The following TRAPPC10 variants were observed in gnomAD, a reference collection of about 807,000 sequenced individuals.
TRAPPC10 encodes trafficking protein particle complex subunit 10, also known as TRAPP 130 kDa subunit.
Under a neutral mutation model 125.5 loss-of-function variants are expected in TRAPPC10, and 23 were observed. That is an observed-to-expected ratio of 0.18 (90% CI 0.13 to 0.26). TRAPPC10 has a LOEUF of 0.26. Ranked by LOEUF, TRAPPC10 falls within the 10% of genes least tolerant of loss-of-function variation. TRAPPC10 has a pLI of 1.00. For missense variants in TRAPPC10, 1,123 were observed against 1,308.4 expected (o/e 0.86, Z 2.19); for synonymous variants, 509 against 518.0 (o/e 0.98, Z 0.24).
intron 19 of TRAPPC10, 64 bp downstream of exon 19, chr21:44,092,113 G>A: frequency 1.9e-6 from 3 of 1,592,004 alleles, no homozygotes; most frequent in Non-Finnish European, 2.6e-6. Flanking sequence ...CGGAAATGAT[G>A]TAGTATGTGT....
In TRAPPC10 at chr21:44,062,160, A is replaced by G. The variant is rs76965636; in HGVS notation, c.791-1378A>G. ...TTATTTGGTTTTTTCTCTCAGTTTT[A>G]AAATTTGGGGCAATTTAAAATCCAA... On this transcript the variant is annotated intron_variant, in intron 6 of 22. Transcript: ENST00000291574. Among the ~76,000 whole-genome samples, 682 of 152,320 alleles carry G rather than the reference A, an allele frequency of 4.5e-3. 8 individuals carry two copies. Among genetic ancestry groups the G allele is most frequent in the African/African-American group, 0.016 (653 of 41,576 alleles).
chr21:44,036,228 T>C (rs570268876), intron 2 of TRAPPC10, among the ~76,000 whole-genome samples: 1 of 152,224 alleles, frequency 6.6e-6, no homozygotes, highest in Non-Finnish European at 1.5e-5. Context: ...AAGAACCAAG[T>C]AGACAGTTTC....
At chr21:44,089,582 T>G in intron 17 of TRAPPC10, 1 of 537,014 alleles carries the variant, frequency 1.9e-6, no homozygotes, top group Non-Finnish European at 3.6e-6. Flanking sequence ...GCCGTTGAGG[T>G]GACTCTGGTG....
intron 1 of TRAPPC10, among the ~76,000 whole-genome samples, chr21:44,022,879 G>A (rs1431568099): frequency 2.2e-4 from 33 of 151,730 alleles, no homozygotes; most frequent in Admixed American, 2.1e-3. Context: ...ATTTTTTGTC[G>A]GCAGGACTTT....
chr21:44,024,137 C>G (rs1473805936), intron 1 of TRAPPC10, among the ~76,000 whole-genome samples: 2 of 152,186 alleles, frequency 1.3e-5, no homozygotes. Context: ...ATCATAAGTT[C>G]ACTCTTTTTG....
intron 4 of TRAPPC10, among the ~76,000 whole-genome samples, chr21:44,052,957 G>T (rs1030077756): frequency 6.6e-6 from 1 of 152,036 alleles, no homozygotes; most frequent in African/African-American, 2.4e-5. Flanking sequence ...GGCTTTCTCC[G>T]CCTTGCCCTG....
rs139419604 is a variant in TRAPPC10 at position 44,051,994 on chromosome 21, C to A, written c.286-286C>A. 3.2e-3 allele frequency among the ~76,000 whole-genome samples: 489 copies of A among 152,330 alleles called. 2 individuals are homozygous for A. Among genetic ancestry groups the A allele is most frequent in the African/African-American group, 0.011 (456 of 41,580 alleles). On this transcript the variant is annotated intron_variant, in intron 3 of 22. Coordinates refer to ENST00000291574, the MANE Select transcript of TRAPPC10 (RefSeq NM_003274.5). Reference sequence around the variant, plus strand: ...ACAGACAGTATTGCTGTGGGCAGCTCACTCAACCCTCTGACTCTCAGTCTC... The same window carrying A: ...ACAGACAGTATTGCTGTGGGCAGCTAACTCAACCCTCTGACTCTCAGTCTC...
Position 44,084,221 on chromosome 21 carries a change from G to A in TRAPPC10, c.2338G>A (p.Val780Met), listed in dbSNP as rs2037966271. The change falls in exon 15 of 23, where the codon GTG (valine) becomes ATG (methionine). Residue 780 changes from valine (V) to methionine (M), a missense_variant. Val to Met is a conservative substitution (Grantham distance 21). This residue lies in a region of TRAPPC10 where 840 missense variants were observed against 902.0 expected (regional missense o/e 0.93). Transcript: ENST00000291574. ...CATCTACCCCATTGTGCAGTACGAC[G>A]TGTACTCACAGGAGCCCCAGCTGCA... ...PHIYPIVQYD[V>M]YSQEPQLHVE... 3 of 1,614,114 alleles carry A rather than the reference G, an allele frequency of 1.9e-6. No individual in the cohort carries two copies. The highest frequency in any genetic ancestry group is 2.2e-5 in the East Asian group (1 of 44,884).
At chr21:44,061,635 TAAAG>T (rs1314204661) in intron 6 of TRAPPC10, among the ~76,000 whole-genome samples, 1 of 152,246 alleles carries the variant, frequency 6.6e-6, no homozygotes. Context: ...TTGAATTTAA[TAAAG>T]AAATGGCAAT....
At position 44,080,006 on chromosome 21, in the gene TRAPPC10, C is replaced by T. The variant is rs1187884749; in HGVS notation, c.1611-9C>T. ...GAGCCTCTCCACGCTCCTTACCTCT[C>T]CGCTCCAGCTACCTGCAGACCAGCA... On this transcript the variant is annotated splice_polypyrimidine_tract_variant and intron_variant, in intron 12 of 22. Transcript: ENST00000291574. The T allele has an allele frequency of 6.2e-7, 1 of 1,612,750 alleles. No homozygotes were observed. Among genetic ancestry groups the T allele is most frequent in the Non-Finnish European group, 8.5e-7 (1 of 1,178,986 alleles).
chr21:44,063,749 GCTGCACAA>G lies in TRAPPC10; in HGVS notation c.1007_1014del (p.His336ArgfsTer36). 6.2e-7 allele frequency: 1 copy of G among 1,614,104 alleles called. No homozygotes were observed. The highest frequency in any genetic ancestry group is 8.5e-7 in the Non-Finnish European group (1 of 1,180,004). On this transcript the variant is annotated frameshift_variant, in exon 7 of 23. Transcript: ENST00000291574. LOFTEE classifies it high-confidence loss of function. The surrounding 1 kb of genome is among the most constrained non-coding windows in gnomAD (Gnocchi z 4.4). ...AGGTGGCCCAGCGCGCCCTAGAGCT[GCTGCACAA>G]CTGCGTGCAGGAACTGAAGCTCTTA...
In TRAPPC10 at chr21:44,075,168, A is replaced by G. The variant is rs759599164; in HGVS notation, c.1300+15A>G. The G allele has an allele frequency of 6.4e-7, 1 of 1,568,812 alleles. No individual in the cohort carries two copies. The highest frequency in any genetic ancestry group is 8.8e-7 in the Non-Finnish European group (1 of 1,140,000). On this transcript the variant is annotated intron_variant, in intron 9 of 22. Coordinates refer to ENST00000291574, the MANE Select transcript of TRAPPC10 (RefSeq NM_003274.5). ...ACCAGAAACAGGTACTTTTTTGTAT[A>G]TACCTGTGTGAGTGGTGAGGTGGAC... is the stretch of plus-strand genomic sequence containing the variant.
In TRAPPC10 at chr21:44,017,598, A is replaced by T. The variant is rs190599506; in HGVS notation, c.67+5038A>T. On this transcript the variant is annotated intron_variant, in intron 1 of 22. Coordinates refer to ENST00000291574, the MANE Select transcript of TRAPPC10 (RefSeq NM_003274.5). ...TCCTAACAAGAGCTGTTTGAAAAAAAATATATATAAGTTGGAAGAAAAAAA... is the reference window on the plus strand; with the variant it reads ...TCCTAACAAGAGCTGTTTGAAAAAATATATATATAAGTTGGAAGAAAAAAA... Among the ~76,000 whole-genome samples, 245 of 152,324 alleles carry T rather than the reference A, an allele frequency of 1.6e-3. 2 individuals carry two copies. Among genetic ancestry groups the T allele is most frequent in the Middle Eastern group, 6.8e-3 (2 of 294 alleles).
chr21:44,037,244 T>G (rs1203043268), intron 2 of TRAPPC10, among the ~76,000 whole-genome samples: 1 of 152,216 alleles, frequency 6.6e-6, no homozygotes, highest in African/African-American at 2.4e-5. Context: ...GTGTGGGATT[T>G]CTTGATGGGT....
intron 1 of TRAPPC10, among the ~76,000 whole-genome samples, chr21:44,024,305 A>C (rs2032850514): frequency 6.6e-6 from 1 of 152,114 alleles, no homozygotes; most frequent in Admixed American, 6.5e-5. Context: ...GCTTGTGGAC[A>C]CACAGATGGC....
In TRAPPC10 at chr21:44,087,269, C is replaced by T. The variant is rs2038204226; in HGVS notation, c.2539+309C>T. ...CAGACCCTGTCCCCCTTGGGCTGGC[C>T]CTGCTCCCGAGAAGCAAAAGCAGAG... On this transcript the variant is annotated intron_variant, in intron 16 of 22. Transcript: ENST00000291574. The surrounding 1 kb of genome is among the most constrained non-coding windows in gnomAD (Gnocchi z 4.6). Among the ~76,000 whole-genome samples the T allele has an allele frequency of 6.6e-6, 1 of 152,112 alleles. No individual in the cohort carries two copies. The highest frequency in any genetic ancestry group is 1.5e-5 in the Non-Finnish European group (1 of 68,018).
At chr21:44,034,853 G>A (rs570826506) in intron 2 of TRAPPC10, among the ~76,000 whole-genome samples, 3 of 152,276 alleles carry the variant, frequency 2.0e-5, no homozygotes, top group East Asian at 1.9e-4. Flanking sequence ...TTCATGAGCC[G>A]AAGAATGCTG....
chr21:44,088,098 A>G (rs889746080), intron 17 of TRAPPC10, 170 bp downstream of exon 17: 4 of 640,522 alleles, frequency 6.2e-6, no homozygotes, highest in Non-Finnish European at 1.1e-5. Context: ...TTTCTTAGAT[A>G]AGGGGTGCAT....
intron 3 of TRAPPC10, among the ~76,000 whole-genome samples, chr21:44,045,362 A>G (rs1271826743): frequency 6.6e-6 from 1 of 152,116 alleles, no homozygotes; most frequent in Admixed American, 6.5e-5. Flanking sequence ...GCTTTTGTAC[A>G]TTGGGAAAGT....
Sources: gnomAD v4.1 joint callset for allele counts (sites outside exome capture counted in the v4.1 genomes callset) on GRCh38, gnomAD v4.1.1 for gene constraint, gnomAD v4.1.1 regional missense constraint, Gnocchi (gnomAD v3.1) non-coding constraint, MANE v1.5 for transcripts, NCBI Gene and HGNC (gene_info 2026-07-23, HGNC 2026-07-21) for gene names.